Variants in CPSF6 observed in about 807,000 individuals in gnomAD.
The protein encoded by CPSF6 is cleavage and polyadenylation specificity factor subunit 6.
CPSF6 carries 10 observed loss-of-function variants against 56.7 expected under a neutral mutation model. The ratio of observed to expected loss-of-function variants is 0.18; its 90% confidence interval spans 0.11 to 0.30. The LOEUF (loss-of-function observed/expected upper bound fraction) is 0.30. Among genes scored for constraint, CPSF6 ranks in the 10% least tolerant of loss-of-function variants. The probability of loss-of-function intolerance (pLI) is 1.00; values close to 1 mark genes in which losing one functional copy is unlikely to be tolerated. For synonymous variants in CPSF6, 248 were observed against 244.8 expected (o/e 1.01, Z -0.12); for missense variants, 419 against 722.9 (o/e 0.58, Z 4.82).
At position 69,267,099 on chromosome 12, in the gene CPSF6, G is replaced by T. The variant is rs533214866; in HGVS notation, c.*4-2413G>T. Among the ~76,000 whole-genome samples the T allele has an allele frequency of 3.0e-4, 46 of 151,898 alleles. No homozygotes were observed. The South Asian group carries it at 7.7e-3, about 25-fold the overall frequency. On this transcript the variant is annotated intron_variant, in intron 9 of 9. Transcript: ENST00000435070. ...GATAGAGAAAAGTGAATTTTATTTCGTTGAGTTAGTAGTGCATCTCTAAAA... is the reference window on the plus strand; with the variant it reads ...GATAGAGAAAAGTGAATTTTATTTCTTTGAGTTAGTAGTGCATCTCTAAAA...
At chr12:69,246,668 T>C (rs1871925635) in intron 1 of CPSF6, among the ~76,000 whole-genome samples, 1 of 152,242 alleles carries the variant, frequency 6.6e-6, no homozygotes. Context: ...CATACTAGTA[T>C]TTCTTTTCCG....
chr12:69,239,951 T>C (rs1336625633), intron 1 of CPSF6, among the ~76,000 whole-genome samples: 15 of 150,152 alleles, frequency 1.0e-4, no homozygotes, highest in Admixed American at 2.0e-4. Context: ...GCTGTGCAGC[T>C]GCCGCCGGCT....
At position 69,258,002 on chromosome 12, in the gene CPSF6, T is replaced by TA; in HGVS notation, c.694+98dup. The TA allele has an allele frequency of 1.3e-6, 2 of 1,537,946 alleles. No homozygotes were observed. Among genetic ancestry groups the TA allele is most frequent in the East Asian group, 2.4e-5 (1 of 42,216 alleles). On this transcript the variant is annotated intron_variant, in intron 5 of 9. Transcript: ENST00000435070. The surrounding 1 kb of genome is among the most constrained non-coding windows in gnomAD (Gnocchi z 4.2). ...CAAGTAATGCATTATTAATGTGACT[T>TA]ACTCTCCTTGTTATGCTATTTTTGG...
At chr12:69,243,704 G>A (rs1346779541) in intron 1 of CPSF6, among the ~76,000 whole-genome samples, 1 of 152,192 alleles carries the variant, frequency 6.6e-6, no homozygotes, top group African/African-American at 2.4e-5. Context: ...CTCTGGGAGA[G>A]TCAGCAAGTG....
chr12:69,245,695 G>T (rs1485582937), intron 1 of CPSF6, among the ~76,000 whole-genome samples: 1 of 152,202 alleles, frequency 6.6e-6, no homozygotes, highest in Non-Finnish European at 1.5e-5. Flanking sequence ...TTTGTTGCTT[G>T]TTTGGGAGTC....
intron 1 of CPSF6, among the ~76,000 whole-genome samples, chr12:69,250,438 A>G (rs1410534702): frequency 1.3e-5 from 2 of 151,744 alleles, no homozygotes; most frequent in Non-Finnish European, 2.9e-5. Flanking sequence ...ATTATAATAA[A>G]TATCAGTGGA....
At chr12:69,250,683 G>A (rs1872200423) in intron 1 of CPSF6, among the ~76,000 whole-genome samples, 1 of 149,160 alleles carries the variant, frequency 6.7e-6, no homozygotes. Context: ...GTCTTGCTCT[G>A]TCGCCCAGGC....
intron 3 of CPSF6, among the ~76,000 whole-genome samples, chr12:69,254,236 T>C (rs900387500): frequency 1.3e-5 from 2 of 152,192 alleles, no homozygotes; most frequent in Non-Finnish European, 2.9e-5. Context: ...GTCTGTCTCA[T>C]TCTTTACCAT....
At chr12:69,248,937 C>CT in intron 1 of CPSF6, among the ~76,000 whole-genome samples, 1 of 151,856 alleles carries the variant, frequency 6.6e-6, no homozygotes, top group East Asian at 1.9e-4. Flanking sequence ...AGGCTTTTTT[C>CT]TTTTTCTTTT....
chr12:69,257,992 T>G, intron 5 of CPSF6, 87 bp downstream of exon 5: 1 of 1,525,764 alleles, frequency 6.6e-7, no homozygotes, highest in Non-Finnish European at 9.0e-7. Flanking sequence ...AATGCATTAT[T>G]AATGTGACTT....
chr12:69,250,990 A>G lies in CPSF6; in HGVS notation c.61-139A>G, dbSNP rs560070050. Reference sequence around the variant, plus strand: ...CTGTTCAAGAATACATCTATTGCATAAAGTGGAAAAAGATTTGTACTGAAA... The same window carrying G: ...CTGTTCAAGAATACATCTATTGCATGAAGTGGAAAAAGATTTGTACTGAAA... On this transcript the variant is annotated intron_variant, in intron 1 of 9. Transcript: ENST00000435070. 5 of 838,248 alleles carry G rather than the reference A, an allele frequency of 6.0e-6. No homozygotes were observed. The African/African-American group carries it at 8.6e-5, about 14-fold the overall frequency. The allele number at this position is 838,248 out of a possible 1,614,324, so 51.9% of individuals were successfully genotyped here.
chr12:69,271,113 A>G lies in CPSF6; in HGVS notation c.*1605A>G, dbSNP rs897363911. 15 of 152,128 alleles carry G rather than the reference A, an allele frequency of 9.9e-5. No individual in the cohort carries two copies. Among genetic ancestry groups the G allele is most frequent in the African/African-American group, 3.6e-4 (15 of 41,406 alleles). The allele number at this position is 152,128 out of a possible 1,614,324, so 9.4% of individuals were successfully genotyped here. A position where few individuals can be genotyped will look rare whatever the true frequency, so the allele number is the denominator to read the frequency against. The stretch of plus-strand genomic sequence containing the variant: ...CAAAATTAGCTGTTTTGAATTACCC[A>G]TATCACTGCCAGTTTTATTTTAAAA... On this transcript the variant is annotated 3_prime_UTR_variant, in exon 10 of 10. Coordinates refer to ENST00000435070, the MANE Select transcript of CPSF6 (RefSeq NM_007007.3).
intron 9 of CPSF6, among the ~76,000 whole-genome samples, chr12:69,266,659 C>T (rs1317775540): frequency 6.6e-6 from 1 of 152,056 alleles, no homozygotes; most frequent in Non-Finnish European, 1.5e-5. Flanking sequence ...TTTATGCTAT[C>T]CAAATTTTAT....
Position 69,269,673 on chromosome 12 carries a change from C to A in CPSF6, c.*165C>A. The A allele has an allele frequency of 4.3e-6, 1 of 232,038 alleles. No homozygotes were observed. The highest frequency in any genetic ancestry group is 8.9e-6 in the Non-Finnish European group (1 of 111,838). 14.4% of individuals were successfully genotyped at this position (232,038 alleles called of 1,614,324 possible). On this transcript the variant is annotated 3_prime_UTR_variant, in exon 10 of 10. Coordinates refer to ENST00000435070, the MANE Select transcript of CPSF6 (RefSeq NM_007007.3). The stretch of plus-strand genomic sequence containing the variant: ...TAAAGCAAATCTGCATAAATGGTAA[C>A]CAGTAGCTCTACTTTTATTTTTTAT...
intron 9 of CPSF6, among the ~76,000 whole-genome samples, chr12:69,267,593 A>T (rs1873052365): frequency 6.6e-6 from 1 of 151,914 alleles, no homozygotes; most frequent in African/African-American, 2.4e-5. Context: ...GCCTACTTAG[A>T]CATTTGAGAG....
chr12:69,240,153 C>T (rs1027739638), intron 1 of CPSF6, among the ~76,000 whole-genome samples: 1 of 151,924 alleles, frequency 6.6e-6, no homozygotes, highest in Admixed American at 6.5e-5. Context: ...CCGCCCCTTC[C>T]CCGCCGCTGC....
intron 8 of CPSF6, among the ~76,000 whole-genome samples, chr12:69,261,161 A>G (rs890368127): frequency 3.3e-5 from 5 of 152,176 alleles, no homozygotes; most frequent in African/African-American, 1.2e-4. Flanking sequence ...TCTGTAAGAG[A>G]AAAGAGCTTG....
chr12:69,249,093 T>C (rs1448049361), intron 1 of CPSF6, among the ~76,000 whole-genome samples: 1 of 137,674 alleles, frequency 7.3e-6, no homozygotes, highest in African/African-American at 2.7e-5. Context: ...ACCCCATCTC[T>C]ACAAAAAATA....
intron 9 of CPSF6, among the ~76,000 whole-genome samples, chr12:69,263,553 T>C (rs1872842098): frequency 6.6e-6 from 1 of 152,080 alleles, no homozygotes; most frequent in Non-Finnish European, 1.5e-5. Context: ...TCAAATTAAA[T>C]TAAGGCTAAA....
Sources: gnomAD v4.1 joint callset for allele counts (sites outside exome capture counted in the v4.1 genomes callset) on GRCh38, gnomAD v4.1.1 for gene constraint, Gnocchi (gnomAD v3.1) non-coding constraint, MANE v1.5 for transcripts, NCBI Gene and HGNC (gene_info 2026-07-23, HGNC 2026-07-21) for gene names.